LMBR1: variants seen among roughly 807,000 people sequenced by gnomAD.
The protein encoded by LMBR1 is limb region 1 protein homolog.
In LMBR1, 52 loss-of-function variants were observed where a neutral mutation model predicts 73.9. The ratio of observed to expected loss-of-function variants is 0.70; its 90% CI spans 0.56 to 0.89. The LOEUF (loss-of-function observed/expected upper bound fraction) is 0.89. Ranked by LOEUF, LMBR1 falls within the 40% of genes least tolerant of loss-of-function variation. The pLI is 0.00. For missense variants in LMBR1, 539 were observed against 579.8 expected, an observed-to-expected ratio of 0.93 and a Z score of 0.72; for synonymous variants, 215 against 209.4, an observed-to-expected ratio of 1.03 and a Z score of -0.23.
rs188536719 is a variant in LMBR1, at chr7:156,883,619, T to C, written c.66+9309A>G. 2.0e-5 allele frequency among the ~76,000 whole-genome samples: 3 copies of C among 152,326 alleles called. No homozygotes were observed. The East Asian group carries it at 5.8e-4, about 29-fold the overall frequency. On this transcript the variant is annotated intron_variant, in intron 1 of 16. Coordinates refer to ENST00000353442, the MANE Select transcript of LMBR1 (RefSeq NM_022458.4). Reference sequence around the variant, plus strand: ...TGTGACTTAAAACAACACAAATTTATTGAGTTTCACTGGGCTAAAATCAAG... The same window carrying C: ...TGTGACTTAAAACAACACAAATTTACTGAGTTTCACTGGGCTAAAATCAAG...
chr7:156,741,373 A>G (rs1300770723), intron 9 of LMBR1, among the ~76,000 whole-genome samples: 2 of 152,198 alleles, frequency 1.3e-5, no homozygotes, highest in Non-Finnish European at 1.5e-5. Flanking sequence ...AATGGATAAA[A>G]AAGCAAAACC....
At chr7:156,885,162 G>A (rs375297815) in intron 1 of LMBR1, among the ~76,000 whole-genome samples, 1 of 152,078 alleles carries the variant, frequency 6.6e-6, no homozygotes, top group African/African-American at 2.4e-5. Context: ...AGACCAGCTT[G>A]GCCAACATGG....
rs755161471 is a variant in LMBR1, at chr7:156,688,165, C to T, written c.1252G>A (p.Asp418Asn). The T allele has an allele frequency of 5.6e-6, 9 of 1,602,258 alleles. No homozygotes were observed. The highest frequency in any genetic ancestry group is 4.5e-5 in the South Asian group (4 of 88,152). The change falls in exon 16 of 17, where the codon GAC becomes AAC. Residue 418 changes from aspartate to asparagine, a missense_variant. Physicochemically the swap from Asp to Asn is conservative, Grantham distance 23. This residue lies in a region of LMBR1 where 16 missense variants were observed against 37.9 expected (regional missense o/e 0.42). Coordinates refer to ENST00000353442, the MANE Select transcript of LMBR1 (RefSeq NM_022458.4). ...CCCAGCCAATTAAACCTTCCAAAGTCGCCAAGTAGATCAAATCTAGTGATT... is the reference window on the plus strand; with the variant it reads ...CCCAGCCAATTAAACCTTCCAAAGTTGCCAAGTAGATCAAATCTAGTGATT... Reference protein sequence around the residue: ...LGITRFDLLGDFGRFNWLGNF... With the variant: ...LGITRFDLLGNFGRFNWLGNF...
chr7:156,762,957 A>G, intron 7 of LMBR1, 151 bp downstream of exon 7: 2 of 546,086 alleles, frequency 3.7e-6, no homozygotes, highest in South Asian at 4.1e-5. Flanking sequence ...CAAAGTTTCC[A>G]TTTATCAAAA....
chr7:156,719,090 G>A lies in LMBR1; in HGVS notation c.1225+5022C>T, dbSNP rs543802228. Reference sequence around the variant, plus strand: ...GCTGGTGTGCTGCACCCATTAACTCGTCATTTAGCATTAGGTATATCTCCT... The same window carrying A: ...GCTGGTGTGCTGCACCCATTAACTCATCATTTAGCATTAGGTATATCTCCT... On this transcript the variant is annotated intron_variant, in intron 15 of 16. Coordinates refer to ENST00000353442, the MANE Select transcript of LMBR1 (RefSeq NM_022458.4). Among the ~76,000 whole-genome samples the A allele has an allele frequency of 2.2e-4, 33 of 151,110 alleles. No homozygotes were observed. The South Asian group carries it at 5.3e-3, about 24-fold the overall frequency.
At chr7:156,855,666 CAAA>C (rs35231167) in intron 1 of LMBR1, among the ~76,000 whole-genome samples, 11,109 of 87,268 alleles carry the variant, frequency 0.13, 388 homozygotes, top group South Asian at 0.17. Context: ...AACGTAAATA[CAAA>C]AAAAAAAAAA....
At chr7:156,805,922 C>T (rs1217511762) in intron 4 of LMBR1, among the ~76,000 whole-genome samples, 1 of 152,168 alleles carries the variant, frequency 6.6e-6, no homozygotes, top group East Asian at 1.9e-4. Flanking sequence ...TCTGTCTCTG[C>T]TCTCAGCCAT....
intron 5 of LMBR1, among the ~76,000 whole-genome samples, chr7:156,792,222 G>A (rs1829345173): frequency 6.6e-6 from 1 of 152,148 alleles, no homozygotes; most frequent in African/African-American, 2.4e-5. Flanking sequence ...CAGCAGTGAT[G>A]GCTGCCTTAA....
intron 15 of LMBR1, among the ~76,000 whole-genome samples, chr7:156,691,595 G>C (rs1480140523): frequency 6.6e-6 from 1 of 152,114 alleles, no homozygotes; most frequent in Admixed American, 6.5e-5. Flanking sequence ...GTAGTTAAGA[G>C]AGAGTTTATA....
At chr7:156,708,176 C>T (rs143208214) in intron 15 of LMBR1, among the ~76,000 whole-genome samples, 2 of 152,204 alleles carry the variant, frequency 1.3e-5, no homozygotes, top group Non-Finnish European at 2.9e-5. Flanking sequence ...AAGGACAGAA[C>T]AGTGCGCGGA....
At chr7:156,813,861 GA>G (rs1238683675) in intron 4 of LMBR1, among the ~76,000 whole-genome samples, 5 of 151,618 alleles carry the variant, frequency 3.3e-5, no homozygotes, top group Non-Finnish European at 4.4e-5. Context: ...ATCTCTTGAA[GA>G]AAAAAAGTCC....
chr7:156,725,599 T>C (rs879943122), intron 13 of LMBR1, 74 bp from the exon 14 acceptor site: 3 of 1,276,470 alleles, frequency 2.4e-6, no homozygotes, highest in East Asian at 4.7e-5. Context: ...CCAAAAAGTC[T>C]TAAGGCCCAT....
intron 5 of LMBR1, among the ~76,000 whole-genome samples, chr7:156,794,438 AT>A (rs1284723802): frequency 2.6e-5 from 4 of 152,046 alleles, no homozygotes; most frequent in Non-Finnish European, 5.9e-5. Flanking sequence ...TGTCACTGGG[AT>A]TTTTTGTCAT....
intron 1 of LMBR1, among the ~76,000 whole-genome samples, chr7:156,850,182 T>G (rs1368339493): frequency 2.6e-5 from 4 of 152,118 alleles, no homozygotes; most frequent in Non-Finnish European, 5.9e-5. Flanking sequence ...AGTGGGTTAG[T>G]TACGGTGAGA....
chr7:156,823,670 T>TTAA (rs1417639675), intron 4 of LMBR1: 1 of 152,224 alleles, frequency 6.6e-6, no homozygotes, highest in Non-Finnish European at 1.5e-5. Flanking sequence ...AACCACTAGC[T>TTAA]TAATATATTG....
downstream of LMBR1, chr7:156,676,259 A>G (rs1803995177): frequency 3.9e-6 from 6 of 1,541,086 alleles, no homozygotes; most frequent in Non-Finnish European, 5.3e-6. Flanking sequence ...ATATATATGT[A>G]TATATATAAA....
At chr7:156,676,427 C>T, downstream of LMBR1, 1 of 1,614,084 alleles carries the variant, frequency 6.2e-7, no homozygotes, top group Non-Finnish European at 8.5e-7. Flanking sequence ...AGGCTCTGCG[C>T]CGGGAGACCC....
intron 15 of LMBR1, among the ~76,000 whole-genome samples, chr7:156,700,546 TAATA>T (rs1042774728): frequency 1.7e-4 from 26 of 151,996 alleles, no homozygotes; most frequent in African/African-American, 6.0e-4. Context: ...AGTATAATAA[TAATA>T]AAATTTAAAA....
chr7:156,856,222 G>GTAGATAGA (rs59069931), intron 1 of LMBR1, among the ~76,000 whole-genome samples: 38 of 151,932 alleles, frequency 2.5e-4, no homozygotes, highest in Admixed American at 1.2e-3. Flanking sequence ...AGACAGATAG[G>GTAGATAGA]TAGATAGATA....
Sources: gnomAD v4.1 joint callset for allele counts (sites outside exome capture counted in the v4.1 genomes callset) on GRCh38, gnomAD v4.1.1 for gene constraint, gnomAD v4.1.1 regional missense constraint, MANE v1.5 for transcripts, NCBI Gene and HGNC (gene_info 2026-07-23, HGNC 2026-07-21) for gene names.